Variants in PCDHGA1 observed in about 807,000 individuals in gnomAD.
The protein encoded by PCDHGA1 is protocadherin gamma subfamily A, 1.
A neutral mutation model predicts 58.0 loss-of-function variants in PCDHGA1; 32 were observed. The observed-to-expected ratio is 0.55, with a 90% CI of 0.42 to 0.74. The LOEUF is 0.74. Among genes scored for constraint, PCDHGA1 ranks in the 30% least tolerant of loss-of-function variants. PCDHGA1 has a pLI of 0.00. For synonymous variants in PCDHGA1, 498 were observed against 501.1 expected (o/e 0.99, Z 0.08); for missense variants, 1,205 against 1,182.3 (o/e 1.02, Z -0.28).
At chr5:141,419,552 C>T in intron 1 of PCDHGA1, 1 of 1,612,014 alleles carries the variant, frequency 6.2e-7, no homozygotes, top group Non-Finnish European at 8.5e-7. Flanking sequence ...GGTGCTGTAC[C>T]CTGCGCTGGG....
At chr5:141,388,414 A>G in intron 1 of PCDHGA1, 2 of 1,613,970 alleles carry the variant, frequency 1.2e-6, no homozygotes, top group Non-Finnish European at 1.7e-6. Context: ...CCCAGTGATC[A>G]TTTCTCACTG....
chr5:141,424,538 A>G (rs547426760), intron 1 of PCDHGA1: 37 of 152,340 alleles, frequency 2.4e-4, no homozygotes, highest in African/African-American at 8.9e-4. Context: ...TATAGAAATA[A>G]CTTGATTTTG....
intron 1 of PCDHGA1, chr5:141,360,011 A>G: frequency 8.1e-7 from 1 of 1,240,974 alleles, no homozygotes; most frequent in Non-Finnish European, 1.1e-6. Context: ...AACCAACCAC[A>G]CAGAGAAGGC....
At position 141,330,734 on chromosome 5, in the gene PCDHGA1, G is replaced by A; in HGVS notation, c.50G>A (p.Cys17Tyr). 1 of 1,613,826 alleles carries A rather than the reference G, an allele frequency of 6.2e-7. No homozygotes were observed. Among genetic ancestry groups the A allele is most frequent in the Admixed American group, 1.7e-5 (1 of 60,006 alleles). ...LTGCSRLMLLCLSLELLLEAG... is the reference protein window; with the variant it reads ...LTGCSRLMLLYLSLELLLEAG... ...GGCTGCAGCAGGCTGATGCTTCTGT[G>A]TCTTTCTCTGGAGCTGCTGTTGGAA... Residue 17 changes from cysteine (C) to tyrosine (Y), a missense_variant, in exon 1 of 4, where the codon TGT (cysteine) becomes TAT (tyrosine). Cys to Tyr is a radical substitution (Grantham distance 194, BLOSUM62 -2). Transcript: ENST00000517417.
chr5:141,426,491 G>A, intron 1 of PCDHGA1: 1 of 336,822 alleles, frequency 3.0e-6, no homozygotes, highest in South Asian at 2.4e-5. Flanking sequence ...CTTAGAGTTA[G>A]TGCAGAGAAA....
chr5:141,388,795 C>T, intron 1 of PCDHGA1: 1 of 1,613,834 alleles, frequency 6.2e-7, no homozygotes, highest in Admixed American at 1.7e-5. Context: ...GTTTTAAATA[C>T]ATTAGATTTT....
chr5:141,475,547 G>A (rs2099364977), intron 1 of PCDHGA1, among the ~76,000 whole-genome samples: 1 of 152,176 alleles, frequency 6.6e-6, no homozygotes, highest in Non-Finnish European at 1.5e-5. Context: ...AGTAGGGTCC[G>A]GCTAATTGTC....
chr5:141,374,934 T>C (rs1296373171), intron 1 of PCDHGA1: 2 of 1,614,038 alleles, frequency 1.2e-6, no homozygotes, highest in Admixed American at 1.7e-5. Context: ...TTTGTGAAGA[T>C]TACAGAAAAG....
chr5:141,423,758 G>GGT (rs138224377), intron 1 of PCDHGA1: 10 of 366,772 alleles, frequency 2.7e-5, no homozygotes, highest in Non-Finnish European at 1.5e-5. Flanking sequence ...TTTGGGGGGG[G>GGT]GGTGGGGCGG....
At chr5:141,393,158 ACT>A (rs768666493) in intron 1 of PCDHGA1, 1 of 1,613,126 alleles carries the variant, frequency 6.2e-7, no homozygotes, top group East Asian at 2.2e-5. Context: ...ATAAAGGAAA[ACT>A]CTTTGGGGTA....
chr5:141,446,775 T>C (rs1175892018), intron 1 of PCDHGA1, among the ~76,000 whole-genome samples: 2 of 152,188 alleles, frequency 1.3e-5, no homozygotes, highest in Admixed American at 6.5e-5. Context: ...CCGGTTACCA[T>C]TCTTTTACTC....
At chr5:141,357,615 T>C (rs372588190) in intron 1 of PCDHGA1, 222 of 1,613,730 alleles carry the variant, frequency 1.4e-4, no homozygotes, top group Admixed American at 5.5e-4. Flanking sequence ...GAGACCCTAA[T>C]CTTCAGGTGA....
intron 1 of PCDHGA1, chr5:141,409,901 C>G: frequency 6.2e-7 from 1 of 1,613,264 alleles, no homozygotes; most frequent in Non-Finnish European, 8.5e-7. Context: ...GTACCCAGCT[C>G]TGGGTCCTGA....
intron 1 of PCDHGA1, chr5:141,340,928 C>T: frequency 6.2e-7 from 1 of 1,613,870 alleles, no homozygotes. Context: ...CGGCCAGCCC[C>T]CTCTCTCCGC....
intron 1 of PCDHGA1, chr5:141,478,265 G>C: frequency 1.2e-6 from 2 of 1,614,196 alleles, no homozygotes; most frequent in Non-Finnish European, 1.7e-6. Flanking sequence ...CATATTCAAA[G>C]TTTACAAGTG....
chr5:141,483,620 A>G (rs192148102), intron 1 of PCDHGA1, among the ~76,000 whole-genome samples: 472 of 151,650 alleles, frequency 3.1e-3, no homozygotes, highest in Non-Finnish European at 5.0e-3. Context: ...CATCATTCCC[A>G]TGGGAGAAGG....
chr5:141,354,876 A>C (rs1158598326), intron 1 of PCDHGA1: 3 of 369,812 alleles, frequency 8.1e-6, no homozygotes, highest in Non-Finnish European at 1.4e-5. Flanking sequence ...CAGGAATTTG[A>C]CTTTATTATC....
rs1562065751 is a variant in PCDHGA1, at chr5:141,477,907, C to T, written c.2422-16900C>T. The T allele has an allele frequency of 1.9e-6, 3 of 1,614,164 alleles. No homozygotes were observed. The highest frequency in any genetic ancestry group is 2.2e-5 in the East Asian group (1 of 44,872). ...TAGTGTCACGGGTGGTAGGCTGGGA[C>T]GCGGATGCAGGGCACAATGCCTGGC... On this transcript the variant is annotated intron_variant, in intron 1 of 3. Transcript: ENST00000517417. This position sits in a 1 kb window ranked among gnomAD's most constrained non-coding sequence, Gnocchi z 4.9.
At chr5:141,421,979 G>C in intron 1 of PCDHGA1, 1 of 1,609,702 alleles carries the variant, frequency 6.2e-7, no homozygotes, top group Non-Finnish European at 8.5e-7. Flanking sequence ...TATCGCGTGA[G>C]TGTTCCAGAA....
Sources: allele counts gnomAD v4.1 joint callset (sites outside exome capture counted in the v4.1 genomes callset), GRCh38; gene constraint gnomAD v4.1.1; non-coding constraint Gnocchi (gnomAD v3.1); transcripts MANE v1.5; gene names NCBI Gene and HGNC (gene_info 2026-07-23, HGNC 2026-07-21).